The following ADGRB1 variants were observed in gnomAD, a reference collection of about 807,000 sequenced individuals.
ADGRB1 encodes the protein adhesion G protein-coupled receptor B1, also known as brain-specific angiogenesis inhibitor 1.
Under a neutral mutation model 175.7 loss-of-function variants are expected in ADGRB1, and 36 were observed. The observed-to-expected ratio is 0.20, with a 90% confidence interval of 0.16 to 0.27. The LOEUF (loss-of-function observed/expected upper bound fraction) is 0.27. Ranked by LOEUF, ADGRB1 falls within the 10% of genes least tolerant of loss-of-function variation. The pLI, the probability that ADGRB1 is intolerant of heterozygous loss-of-function variation, is 1.00. For synonymous variants in ADGRB1, 1,054 were observed against 979.4 expected, an observed-to-expected ratio of 1.08 and a Z score of -1.42; for missense variants, 1,731 against 2,255.3, an observed-to-expected ratio of 0.77 and a Z score of 4.71.
At chr8:142,496,888 G>A (rs1429042265) in intron 17 of ADGRB1, among the ~76,000 whole-genome samples, 41 of 152,194 alleles carry the variant, frequency 2.7e-4, no homozygotes, top group Admixed American at 2.7e-3. Context: ...GAGAAGTCCT[G>A]CAGGAGACTC....
Position 142,450,014 on chromosome 8 carries a change from C to A in ADGRB1, c.-310C>A, listed in dbSNP as rs1839240790. On this transcript the variant is annotated 5_prime_UTR_variant, in exon 1 of 31. Coordinates refer to ENST00000517894, the MANE Select transcript of ADGRB1 (RefSeq NM_001702.3). ...CCCCCCCCACCTCCGGTCGGGCGCCCGGCTCAGCCGCCGGCGACGCGAGGC... is the reference window on the plus strand; with the variant it reads ...CCCCCCCCACCTCCGGTCGGGCGCCAGGCTCAGCCGCCGGCGACGCGAGGC... 2 of 150,098 alleles carry A rather than the reference C, an allele frequency of 1.3e-5. No homozygotes were observed. The highest frequency in any genetic ancestry group is 1.3e-4 in the Admixed American group (2 of 15,138). The allele number at this position is 150,098 out of a possible 1,614,324, so 9.3% of individuals were successfully genotyped here.
intron 24 of ADGRB1, among the ~76,000 whole-genome samples, chr8:142,529,404 T>C (rs1844454559): frequency 1.3e-5 from 2 of 152,094 alleles, no homozygotes; most frequent in Admixed American, 1.3e-4. Flanking sequence ...ATTTCGCTTG[T>C]AGCCAACCGC....
At chr8:142,470,604 ATCCCTGTGTG>A (rs1350860505) in intron 2 of ADGRB1, among the ~76,000 whole-genome samples, 11 of 151,718 alleles carry the variant, frequency 7.3e-5, no homozygotes, top group East Asian at 1.9e-4. Context: ...TCGAGTGTAT[ATCCCTGTGTG>A]TCCCTGTGTG....
In ADGRB1 at chr8:142,477,229, C is replaced by T. The variant is rs765364913; in HGVS notation, c.1173C>T (p.Ser391=). The T allele has an allele frequency of 1.3e-5, 21 of 1,598,020 alleles. No individual in the cohort carries two copies. The highest frequency in any genetic ancestry group is 2.0e-4 in the Middle Eastern group (1 of 5,076). ...CVSSSYSTQC[S]GPLREQRLCN... ...CCTCCTCCTACAGCACGCAGTGCAGCGGACCCCTGCGCGAGCAGCGGCTGT... is the reference window on the plus strand; with the variant it reads ...CCTCCTCCTACAGCACGCAGTGCAGTGGACCCCTGCGCGAGCAGCGGCTGT... The change falls in exon 5 of 31, where the codon AGC becomes AGT. Residue 391 remains serine (S), a synonymous_variant. Transcript: ENST00000517894.
At chr8:142,475,219 C>A (rs1035502200) in intron 2 of ADGRB1, among the ~76,000 whole-genome samples, 1 of 152,186 alleles carries the variant, frequency 6.6e-6, no homozygotes, top group South Asian at 2.1e-4. Flanking sequence ...CCTTCATCAT[C>A]CTGGCGGCAA....
chr8:142,461,856 C>T (rs997095391), intron 1 of ADGRB1, among the ~76,000 whole-genome samples: 4 of 152,240 alleles, frequency 2.6e-5, no homozygotes, highest in Non-Finnish European at 5.9e-5. Context: ...GTCAAGGCCA[C>T]GTGGGTTCAG....
rs1456571014 is a variant in ADGRB1 at position 142,510,225 on chromosome 8, G to T, written c.2676-707G>T. On this transcript the variant is annotated intron_variant, in intron 17 of 30. Transcript: ENST00000517894. The surrounding 1 kb of genome is among the most constrained non-coding windows in gnomAD (Gnocchi z 6.3). ...TTAAATGCGTGCTCAGATGAAAAGC[G>T]GGGCAGTCGCGGCCCGTAGACAGCG... Among the ~76,000 whole-genome samples the T allele has an allele frequency of 1.3e-5, 2 of 152,256 alleles. No individual in the cohort carries two copies. The highest frequency in any genetic ancestry group is 4.8e-5 in the African/African-American group (2 of 41,560).
chr8:142,530,977 TCCCCAGG>T (rs1019757943), intron 24 of ADGRB1, among the ~76,000 whole-genome samples: 2 of 152,124 alleles, frequency 1.3e-5, no homozygotes, highest in Admixed American at 6.5e-5. Context: ...AATTTACAGG[TCCCCAGG>T]CCCCAGGCCA....
rs1185058520 is a variant in ADGRB1, at chr8:142,537,466, G to C, written c.3666+384G>C. 6.6e-6 allele frequency among the ~76,000 whole-genome samples: 1 copy of C among 151,878 alleles called. No individual in the cohort carries two copies. Among genetic ancestry groups the C allele is most frequent in the East Asian group, 1.9e-4 (1 of 5,138 alleles). On this transcript the variant is annotated intron_variant, in intron 26 of 30. Coordinates refer to ENST00000517894, the MANE Select transcript of ADGRB1 (RefSeq NM_001702.3). The surrounding 1 kb of genome is among the most constrained non-coding windows in gnomAD (Gnocchi z 4.6). ...CTCCATCCCCACCCAGGAAAGTCCT[G>C]CTCAGCTGCCACCTAGGGGTCCAGC...
chr8:142,488,521 G>A lies in ADGRB1; in HGVS notation c.2452+14G>A, dbSNP rs368622179. The A allele has an allele frequency of 1.1e-5, 18 of 1,609,896 alleles. No individual in the cohort carries two copies. Among genetic ancestry groups the A allele is most frequent in the Admixed American group, 1.7e-5 (1 of 59,928 alleles). On this transcript the variant is annotated intron_variant, in intron 14 of 30. Transcript: ENST00000517894. ...CGGGGCTGACAGGTGAGGGGCCCAG[G>A]GAGTGGAGGGGGACCTTCATGGGGG...
At chr8:142,458,974 T>C (rs1322434073) in intron 1 of ADGRB1, among the ~76,000 whole-genome samples, 2 of 152,232 alleles carry the variant, frequency 1.3e-5, no homozygotes, top group African/African-American at 4.8e-5. Context: ...GTGACAGTTT[T>C]GCCATTAAAC....
chr8:142,466,697 C>T (rs985692486), intron 2 of ADGRB1, among the ~76,000 whole-genome samples: 5 of 152,110 alleles, frequency 3.3e-5, no homozygotes, highest in African/African-American at 1.2e-4. Context: ...GGATGAGTGT[C>T]AGGGGGACTG....
chr8:142,475,244 G>T (rs541315244), intron 2 of ADGRB1, among the ~76,000 whole-genome samples: 97 of 152,318 alleles, frequency 6.4e-4, no homozygotes, highest in African/African-American at 2.0e-3. Context: ...GCCCAGTGGC[G>T]GCTGGCACAC....
chr8:142,467,263 G>A (rs1033268472), intron 2 of ADGRB1, among the ~76,000 whole-genome samples: 1 of 152,252 alleles, frequency 6.6e-6, no homozygotes, highest in Non-Finnish European at 1.5e-5. Flanking sequence ...GAGCCAGATG[G>A]TTGGGCTGTG....
chr8:142,506,422 C>G (rs1324535844), intron 17 of ADGRB1, among the ~76,000 whole-genome samples: 1 of 152,214 alleles, frequency 6.6e-6, no homozygotes, highest in Non-Finnish European at 1.5e-5. Context: ...TGCCCCAGCT[C>G]CTGCTCTCAC....
rs532393061 is a variant in ADGRB1, at chr8:142,500,403, CCT to C, written c.2675+9589_2675+9590del. ...CCCCCGCGCCGCTCCTCCCCCGCCC[CCT>C]ACACCGCTCCTCCACCACCCCCCCA... On this transcript the variant is annotated intron_variant, in intron 17 of 30. Transcript: ENST00000517894. Among the ~76,000 whole-genome samples, 30 of 115,228 alleles carry C rather than the reference CCT, an allele frequency of 2.6e-4. 1 individual carries two copies. Among genetic ancestry groups the C allele is most frequent in the Non-Finnish European group, 3.9e-4 (22 of 56,338 alleles). 75.6% of individuals were successfully genotyped at this position (115,228 alleles called of 152,430 possible). A position where few individuals can be genotyped will look rare whatever the true frequency, so the allele number is the denominator to read the frequency against.
chr8:142,497,820 G>A (rs1215962072), intron 17 of ADGRB1, among the ~76,000 whole-genome samples: 7 of 152,204 alleles, frequency 4.6e-5, no homozygotes, highest in African/African-American at 1.4e-4. Flanking sequence ...CTTTCTGGGC[G>A]CAGGGTCCTT....
intron 13 of ADGRB1, among the ~76,000 whole-genome samples, chr8:142,486,262 C>T (rs1180688881): frequency 3.3e-5 from 5 of 152,172 alleles, no homozygotes; most frequent in East Asian, 3.8e-4. Context: ...GGCTTCCCAT[C>T]GCATCTGTTT....
chr8:142,453,530 C>G (rs1018837913), intron 1 of ADGRB1, among the ~76,000 whole-genome samples: 1 of 152,220 alleles, frequency 6.6e-6, no homozygotes, highest in African/African-American at 2.4e-5. Context: ...TGCAGCTGCG[C>G]CATCGGCAGA....
Sources: allele counts gnomAD v4.1 joint callset (sites outside exome capture counted in the v4.1 genomes callset), GRCh38; gene constraint gnomAD v4.1.1; non-coding constraint Gnocchi (gnomAD v3.1); transcripts MANE v1.5; gene names NCBI Gene and HGNC (gene_info 2026-07-23, HGNC 2026-07-21).